PUDP: variants seen among roughly 807,000 people sequenced by gnomAD.
PUDP encodes the protein pseudouridine 5'-phosphatase.
A neutral mutation model predicts 9.4 loss-of-function variants in PUDP; 8 were observed. The observed-to-expected ratio is 0.85, with a 90% confidence interval of 0.50 to 1.53. PUDP has a LOEUF of 1.53. Among genes scored for constraint, PUDP ranks in the 40% most tolerant of loss-of-function variants. The probability of loss-of-function intolerance (pLI) is 0.00; values close to 1 mark genes in which losing one functional copy is unlikely to be tolerated. For missense variants in PUDP, 188 were observed against 189.7 expected (o/e 0.99, Z 0.05); for synonymous variants, 99 against 80.7 (o/e 1.23, Z -1.22).
At chrX:7,033,052 T>C (rs1406105136) in intron 1 of PUDP, among the ~76,000 whole-genome samples, 2 of 111,803 alleles carry the variant, frequency 1.8e-5, no homozygotes, top group African/African-American at 6.5e-5. Flanking sequence ...CGTGGTAGGA[T>C]AAAAGCAGGC....
At chrX:6,746,784 T>C (rs1408524974) in intron 3 of PUDP, among the ~76,000 whole-genome samples, 3 of 111,835 alleles carry the variant, frequency 2.7e-5, no homozygotes, top group African/African-American at 9.8e-5. Flanking sequence ...CCATGGTGTA[T>C]ATGTACCACA....
At chrX:6,944,611 T>C (rs965784416) in intron 3 of PUDP, among the ~76,000 whole-genome samples, 2 of 109,604 alleles carry the variant, frequency 1.8e-5, no homozygotes, top group Non-Finnish European at 3.8e-5. Flanking sequence ...CAGAAGGGAA[T>C]AGTAGCCTAA....
chrX:6,882,274 T>C (rs1213584694), intron 3 of PUDP, among the ~76,000 whole-genome samples: 3 of 111,744 alleles, frequency 2.7e-5, no homozygotes, highest in Non-Finnish European at 3.8e-5. Context: ...TTGCGGTTTT[T>C]GCCATTACTT....
chrX:7,094,353 ATTTT>A (rs57548230), intron 2 of PUDP, among the ~76,000 whole-genome samples: 2 of 73,465 alleles, frequency 2.7e-5, no homozygotes, highest in Non-Finnish European at 2.5e-5. Flanking sequence ...GAATAAGCTG[ATTTT>A]TTTTTTTTTT....
chrX:7,082,087 C>T (rs2146872555), intron 2 of PUDP, among the ~76,000 whole-genome samples: 1 of 112,124 alleles, frequency 8.9e-6, no homozygotes, highest in South Asian at 3.7e-4. Flanking sequence ...ACTCCAGTTC[C>T]CAGCTCCTAG....
At chrX:6,864,858 A>AGG (rs1927055025) in intron 3 of PUDP, among the ~76,000 whole-genome samples, 3 of 111,874 alleles carry the variant, frequency 2.7e-5, no homozygotes, top group Non-Finnish European at 5.6e-5. Flanking sequence ...AATCCAGTTA[A>AGG]TCTCCCCAGT....
intron 1 of PUDP, among the ~76,000 whole-genome samples, chrX:7,005,239 G>A (rs1929386322): frequency 9.0e-6 from 1 of 110,883 alleles, no homozygotes; most frequent in South Asian, 3.9e-4. Context: ...GTTTCATGGA[G>A]GAGGTCATAT....
intron 3 of PUDP, among the ~76,000 whole-genome samples, chrX:6,730,836 A>G (rs1283708625): frequency 6.3e-5 from 7 of 111,925 alleles, no homozygotes; most frequent in Non-Finnish European, 1.1e-4. Flanking sequence ...CAGACCTGAA[A>G]AGAAACTCAC....
intron 3 of PUDP, among the ~76,000 whole-genome samples, chrX:6,876,945 A>G (rs72609575): frequency 0.11 from 11,746 of 105,824 alleles, 754 homozygotes; most frequent in East Asian, 0.44. Context: ...ACATTCATAT[A>G]TGTGTACACA....
At chrX:6,710,476 T>A (rs1349869919) in intron 1 of PUDP, among the ~76,000 whole-genome samples, 1 of 111,799 alleles carries the variant, frequency 8.9e-6, no homozygotes, top group Non-Finnish European at 1.9e-5. Context: ...CTTCATGGAC[T>A]GCATTGCTGT....
chrX:7,066,863 T>TCA (rs1232940775), intron 3 of PUDP, among the ~76,000 whole-genome samples: 1 of 112,075 alleles, frequency 8.9e-6, no homozygotes, highest in Non-Finnish European at 1.9e-5. Flanking sequence ...CACATATCAA[T>TCA]CACACACACA....
intron 3 of PUDP, among the ~76,000 whole-genome samples, chrX:6,862,997 T>C (rs1927025777): frequency 2.7e-5 from 3 of 112,072 alleles, no homozygotes; most frequent in Non-Finnish European, 5.6e-5. Flanking sequence ...CGTACTTTTA[T>C]ATAAGCCAAT....
chrX:7,038,324 T>C lies in PUDP; in HGVS notation c.204+38896A>G, dbSNP rs188811907. On this transcript the variant is annotated intron_variant and NMD_transcript_variant, in intron 1 of 3. Transcript: ENST00000655425. ...GCATAGCACATATTTACATGAAATA[T>C]TAGGGAGCATCCATCTGGGCTATGT... 4.4e-3 allele frequency among the ~76,000 whole-genome samples: 497 copies of C among 112,230 alleles called. 4 individuals carry two copies. Among genetic ancestry groups the C allele is most frequent in the Non-Finnish European group, 7.4e-3 (394 of 53,220 alleles).
intron 3 of PUDP, among the ~76,000 whole-genome samples, chrX:6,966,989 A>G (rs1928795378): frequency 9.0e-6 from 1 of 111,348 alleles, no homozygotes; most frequent in African/African-American, 3.3e-5. Flanking sequence ...AAGGTAAGGG[A>G]AGTGCACCAC....
At chrX:7,065,898 C>T (rs1468703725) in intron 3 of PUDP, among the ~76,000 whole-genome samples, 1 of 112,310 alleles carries the variant, frequency 8.9e-6, no homozygotes, top group African/African-American at 3.2e-5. Flanking sequence ...TGAAGAGAAA[C>T]AATGCCCAAA....
At chrX:6,939,706 A>C (rs749939294) in intron 3 of PUDP, among the ~76,000 whole-genome samples, 3 of 109,189 alleles carry the variant, frequency 2.7e-5, no homozygotes, top group South Asian at 7.9e-4. Flanking sequence ...CTCTACAAAA[A>C]ATACAAAAAA....
intron 3 of PUDP, among the ~76,000 whole-genome samples, chrX:6,906,326 A>C (rs1240014241): frequency 8.9e-6 from 1 of 112,225 alleles, no homozygotes; most frequent in Non-Finnish European, 1.9e-5. Context: ...AATTTAAAAC[A>C]CGACTCTAGG....
At chrX:6,987,798 T>C (rs1044561388) in intron 1 of PUDP, among the ~76,000 whole-genome samples, 2 of 112,474 alleles carry the variant, frequency 1.8e-5, no homozygotes, top group Admixed American at 1.9e-4. Flanking sequence ...ACAGAAAATG[T>C]TTGTTGATCC....
chrX:6,864,564 C>T (rs1052226378), intron 3 of PUDP, among the ~76,000 whole-genome samples: 2 of 111,760 alleles, frequency 1.8e-5, no homozygotes, highest in South Asian at 7.5e-4. Flanking sequence ...TTGAGTGCCA[C>T]ATTTCTCATC....
Sources: gnomAD v4.1 joint callset for allele counts (sites outside exome capture counted in the v4.1 genomes callset) on GRCh38, gnomAD v4.1.1 for gene constraint, MANE v1.5 for transcripts, NCBI Gene and HGNC (gene_info 2026-07-23, HGNC 2026-07-21) for gene names.